ME3: variants seen among roughly 807,000 people sequenced by gnomAD.
ME3 encodes the protein malic enzyme 3, also known as NADP-dependent malic enzyme, mitochondrial.
In ME3, 48 loss-of-function variants were observed where a neutral mutation model predicts 68.9. That is an observed-to-expected ratio of 0.70 (90% CI 0.55 to 0.89). The LOEUF is 0.89. Ranked by LOEUF, ME3 falls within the 40% of genes least tolerant of loss-of-function variation. The pLI, the probability that ME3 is intolerant of heterozygous loss-of-function variation, is 0.00. For missense variants in ME3, 675 were observed against 797.4 expected, an observed-to-expected ratio of 0.85 and a Z score of 1.85; for synonymous variants, 320 against 318.8, an observed-to-expected ratio of 1.00 and a Z score of -0.04.
At chr11:86,564,881 G>C (rs1248798514) in intron 2 of ME3, among the ~76,000 whole-genome samples, 1 of 152,080 alleles carries the variant, frequency 6.6e-6, no homozygotes, top group South Asian at 2.1e-4. Context: ...GTGCATCAAA[G>C]GATACTATCA....
chr11:86,479,162 T>C (rs1375280379), intron 7 of ME3, among the ~76,000 whole-genome samples: 3 of 152,180 alleles, frequency 2.0e-5, no homozygotes, highest in Non-Finnish European at 4.4e-5. Context: ...GAATTCGTTC[T>C]CTCTTCTGAA....
intron 4 of ME3, among the ~76,000 whole-genome samples, chr11:86,543,155 C>A (rs1346198568): frequency 6.6e-6 from 1 of 152,110 alleles, no homozygotes; most frequent in Admixed American, 6.6e-5. Context: ...CTGGAGGAAG[C>A]ATTAAATATG....
chr11:86,642,360 G>A (rs1402676139), intron 2 of ME3, among the ~76,000 whole-genome samples: 1 of 152,170 alleles, frequency 6.6e-6, no homozygotes, highest in Non-Finnish European at 1.5e-5. Flanking sequence ...TACTGCATGG[G>A]AGGCTGATCA....
At chr11:86,602,345 C>T (rs1353050490) in intron 2 of ME3, among the ~76,000 whole-genome samples, 1 of 151,522 alleles carries the variant, frequency 6.6e-6, no homozygotes, top group Non-Finnish European at 1.5e-5. Context: ...GAGTCAACTC[C>T]CATTCACAGT....
chr11:86,560,079 T>G (rs1250957349), intron 2 of ME3, among the ~76,000 whole-genome samples: 1 of 152,216 alleles, frequency 6.6e-6, no homozygotes, highest in Non-Finnish European at 1.5e-5. Flanking sequence ...TTTCTTAATA[T>G]ATATGTTTTA....
intron 4 of ME3, among the ~76,000 whole-genome samples, chr11:86,510,754 C>G (rs1456651167): frequency 6.6e-6 from 1 of 152,180 alleles, no homozygotes; most frequent in Non-Finnish European, 1.5e-5. Flanking sequence ...AAAATTATCC[C>G]TGATTTTAGA....
exon 15 of ME3, chr11:86,441,427 G>A (rs542807114): frequency 8.1e-6 from 13 of 1,595,482 alleles, no homozygotes; most frequent in African/African-American, 1.4e-5. Flanking sequence ...GTGTTTGTAC[G>A]CGTAGTCGAG....
At chr11:86,627,838 T>C (rs1469944898) in intron 2 of ME3, among the ~76,000 whole-genome samples, 2 of 152,224 alleles carry the variant, frequency 1.3e-5, no homozygotes, top group African/African-American at 4.8e-5. Flanking sequence ...CCTATGGGCT[T>C]GCAAGGAAAG....
intron 5 of ME3, among the ~76,000 whole-genome samples, chr11:86,502,322 TC>T (rs1952779823): frequency 6.6e-6 from 1 of 152,212 alleles, no homozygotes; most frequent in Non-Finnish European, 1.5e-5. Context: ...ACTAAACCTA[TC>T]ACTCCCTTCC....
At chr11:86,599,989 A>C (rs999720569) in intron 2 of ME3, among the ~76,000 whole-genome samples, 1 of 152,254 alleles carries the variant, frequency 6.6e-6, no homozygotes, top group African/African-American at 2.4e-5. Context: ...AGCCACTGCA[A>C]AATCATGCCA....
chr11:86,454,519 C>G (rs1851830974), intron 8 of ME3, among the ~76,000 whole-genome samples: 1 of 152,214 alleles, frequency 6.6e-6, no homozygotes, highest in African/African-American at 2.4e-5. Flanking sequence ...TGCTGTGAAG[C>G]TAGTCACTAA....
At position 86,645,207 on chromosome 11, in the gene ME3, G is replaced by A. The variant is rs555386267; in HGVS notation, c.183+26555C>T. On this transcript the variant is annotated intron_variant, in intron 2 of 14. Transcript: ENST00000543262. ...CTAGTGGCAGCTGGAACACCAGCAA[G>A]ACAGAACTATTCACTCCCCTGGAAA... Among the ~76,000 whole-genome samples, 420 of 152,248 alleles carry A rather than the reference G, an allele frequency of 2.8e-3. 5 individuals carry two copies. Among genetic ancestry groups the A allele is most frequent in the African/African-American group, 9.8e-3 (409 of 41,540 alleles).
At chr11:86,535,395 C>A (rs558700513) in intron 4 of ME3, among the ~76,000 whole-genome samples, 2 of 152,276 alleles carry the variant, frequency 1.3e-5, no homozygotes, top group Non-Finnish European at 2.9e-5. Flanking sequence ...ATCTATGGAA[C>A]CTCATTTGTG....
intron 4 of ME3, among the ~76,000 whole-genome samples, chr11:86,537,912 G>C (rs1440782260): frequency 6.6e-6 from 1 of 152,210 alleles, no homozygotes; most frequent in Non-Finnish European, 1.5e-5. Context: ...GAAGTGTTTG[G>C]TGTGTACTTA....
At chr11:86,652,834 T>G (rs1289766827) in intron 2 of ME3, among the ~76,000 whole-genome samples, 2 of 151,982 alleles carry the variant, frequency 1.3e-5, no homozygotes, top group African/African-American at 4.8e-5. Context: ...ATCAGTGTGC[T>G]GTATTCAGGA....
At chr11:86,500,218 C>G (rs1268574863) in intron 5 of ME3, among the ~76,000 whole-genome samples, 2 of 152,216 alleles carry the variant, frequency 1.3e-5, no homozygotes, top group Non-Finnish European at 2.9e-5. Context: ...GGTTCCCATT[C>G]TGTCAGAATC....
At chr11:86,447,855 C>CAAAAA (rs35352939) in intron 11 of ME3, among the ~76,000 whole-genome samples, 3 of 120,770 alleles carry the variant, frequency 2.5e-5, no homozygotes, top group African/African-American at 6.7e-5. Flanking sequence ...TAAACTCTGT[C>CAAAAA]AAAAAAAAAA....
chr11:86,637,102 A>G (rs1944379107), intron 2 of ME3, among the ~76,000 whole-genome samples: 1 of 152,238 alleles, frequency 6.6e-6, no homozygotes, highest in Admixed American at 6.5e-5. Context: ...GCCTGTATCC[A>G]GAATCCCCAA....
intron 2 of ME3, among the ~76,000 whole-genome samples, chr11:86,636,913 G>T (rs1002593831): frequency 3.9e-5 from 6 of 152,180 alleles, no homozygotes; most frequent in Admixed American, 6.5e-5. Context: ...GCAGAGTAGG[G>T]TCTAAAAGCT....
Sources: gnomAD v4.1 joint callset for allele counts (sites outside exome capture counted in the v4.1 genomes callset) on GRCh38, gnomAD v4.1.1 for gene constraint, MANE v1.5 for transcripts, NCBI Gene and HGNC (gene_info 2026-07-23, HGNC 2026-07-21) for gene names.